The following TRIO variants were observed in gnomAD, a reference collection of about 807,000 sequenced individuals.
TRIO encodes triple functional domain protein.
A neutral mutation model predicts 351.9 loss-of-function variants in TRIO; 58 were observed. The observed-to-expected ratio is 0.16, with a 90% CI of 0.13 to 0.21. TRIO has a LOEUF of 0.21. TRIO is among the 10% of genes least tolerant of loss of function. The pLI is 1.00. For missense variants in TRIO, 3,201 were observed against 4,027.8 expected, an observed-to-expected ratio of 0.79 and a Z score of 5.56; for synonymous variants, 1,758 against 1,595.7, an observed-to-expected ratio of 1.10 and a Z score of -2.42.
chr5:14,233,792 G>A (rs1044985931), intron 1 of TRIO, among the ~76,000 whole-genome samples: 12 of 151,966 alleles, frequency 7.9e-5, no homozygotes, highest in Non-Finnish European at 1.6e-4. Flanking sequence ...TTTTGTTTGT[G>A]TGTTTTGTTT....
intron 30 of TRIO, among the ~76,000 whole-genome samples, chr5:14,400,138 A>C (rs1162565508): frequency 6.6e-6 from 1 of 152,204 alleles, no homozygotes; most frequent in African/African-American, 2.4e-5. Flanking sequence ...CTTTTGGATC[A>C]CAGCTTGCCT....
At chr5:14,166,213 G>A (rs1788754354) in intron 1 of TRIO, among the ~76,000 whole-genome samples, 1 of 152,194 alleles carries the variant, frequency 6.6e-6, no homozygotes, top group South Asian at 2.1e-4. Flanking sequence ...GCCGTGCCTG[G>A]GGGGCACCCC....
chr5:14,438,369 A>C (rs1444312045), intron 34 of TRIO, among the ~76,000 whole-genome samples: 4 of 152,234 alleles, frequency 2.6e-5, no homozygotes, highest in Admixed American at 2.0e-4. Context: ...CTCATTCAGC[A>C]GATCAAATGA....
chr5:14,304,356 T>G (rs1027498505), intron 7 of TRIO, 105 bp from the exon 8 acceptor site: 2 of 1,197,272 alleles, frequency 1.7e-6, no homozygotes, highest in African/African-American at 3.1e-5. Flanking sequence ...GTTAAATTCT[T>G]AGGATCTCCC....
At chr5:14,221,237 T>C (rs112461207) in intron 1 of TRIO, among the ~76,000 whole-genome samples, 271 of 152,232 alleles carry the variant, frequency 1.8e-3, no homozygotes, top group East Asian at 7.9e-3. Flanking sequence ...GATTTTTTTT[T>C]CCCAAAATAC....
At chr5:14,239,660 T>C (rs1271207859) in intron 1 of TRIO, among the ~76,000 whole-genome samples, 2 of 152,216 alleles carry the variant, frequency 1.3e-5, no homozygotes, top group East Asian at 3.8e-4. Flanking sequence ...AACTGAATTC[T>C]GATCAGCTTG....
intron 1 of TRIO, among the ~76,000 whole-genome samples, chr5:14,165,470 A>G (rs1256312910): frequency 1.3e-5 from 2 of 152,240 alleles, no homozygotes; most frequent in Non-Finnish European, 2.9e-5. Context: ...GTAGTATTCC[A>G]TGGTGTATAT....
At chr5:14,285,335 T>G (rs1300843314) in intron 3 of TRIO, among the ~76,000 whole-genome samples, 3 of 152,088 alleles carry the variant, frequency 2.0e-5, no homozygotes, top group African/African-American at 4.8e-5. Context: ...GACACTGTGC[T>G]CCTCTGACTG....
chr5:14,437,760 C>G (rs957204130), intron 34 of TRIO, among the ~76,000 whole-genome samples: 1 of 150,328 alleles, frequency 6.7e-6, no homozygotes, highest in African/African-American at 2.5e-5. Flanking sequence ...CAGTCGCATT[C>G]CAAGGTCCAG....
chr5:14,264,180 C>CT (rs989303432), intron 1 of TRIO, among the ~76,000 whole-genome samples: 7 of 151,664 alleles, frequency 4.6e-5, no homozygotes, highest in African/African-American at 1.2e-4. Flanking sequence ...TTTGTTTAAA[C>CT]TTTTTTTTGT....
intron 11 of TRIO, among the ~76,000 whole-genome samples, chr5:14,357,615 T>C (rs1158772681): frequency 1.3e-5 from 2 of 152,082 alleles, no homozygotes; most frequent in African/African-American, 2.4e-5. Context: ...GGCAGCCTGA[T>C]TGTGGGGCCT....
intron 55 of TRIO, among the ~76,000 whole-genome samples, chr5:14,505,566 G>A (rs1757615107): frequency 6.6e-6 from 1 of 152,128 alleles, no homozygotes; most frequent in South Asian, 2.1e-4. Context: ...GGGGCCCCTC[G>A]CCGGCAGGAA....
intron 1 of TRIO, among the ~76,000 whole-genome samples, chr5:14,232,606 T>A (rs533951979): frequency 5.3e-5 from 8 of 152,358 alleles, no homozygotes; most frequent in Non-Finnish European, 8.8e-5. Flanking sequence ...TGAATGGATG[T>A]TCATACTTTT....
chr5:14,278,377 C>T (rs1047836538), intron 2 of TRIO, among the ~76,000 whole-genome samples: 5 of 152,118 alleles, frequency 3.3e-5, no homozygotes, highest in African/African-American at 9.7e-5. Context: ...TTGTGAGCTA[C>T]GGTGACCCAG....
intron 3 of TRIO, among the ~76,000 whole-genome samples, chr5:14,284,963 G>T (rs1263427870): frequency 6.6e-6 from 1 of 152,128 alleles, no homozygotes; most frequent in African/African-American, 2.4e-5. Context: ...CAGGGCCCTG[G>T]AGTTTCTGTG....
At chr5:14,438,121 A>G (rs1375828341) in intron 34 of TRIO, among the ~76,000 whole-genome samples, 1 of 152,206 alleles carries the variant, frequency 6.6e-6, no homozygotes, top group African/African-American at 2.4e-5. Context: ...ACTCCGTTAA[A>G]TTTCTACATT....
chr5:14,447,244 A>C (rs1202940099), intron 34 of TRIO, among the ~76,000 whole-genome samples: 2 of 152,178 alleles, frequency 1.3e-5, no homozygotes, highest in Non-Finnish European at 2.9e-5. Context: ...ATAAATAAAT[A>C]AAGAGAAATA....
intron 41 of TRIO, among the ~76,000 whole-genome samples, chr5:14,478,111 T>C (rs1000814382): frequency 1.3e-5 from 2 of 152,166 alleles, no homozygotes; most frequent in Non-Finnish European, 2.9e-5. Flanking sequence ...AGTGGTTAGT[T>C]CCACTCACAA....
chr5:14,433,816 C>T lies in TRIO; in HGVS notation c.5203+13795C>T, dbSNP rs190197979. Among the ~76,000 whole-genome samples, 8 of 152,096 alleles carry T rather than the reference C, an allele frequency of 5.3e-5. No homozygotes were observed. In the East Asian group the frequency reaches 1.5e-3, roughly 29 times the overall value. On this transcript the variant is annotated intron_variant, in intron 34 of 56. Transcript: ENST00000344204. ...ATTCAGCTAATGTTGTTTTATATAT[C>T]CAGTATTTTGATTTTGATTTTAAGG...
Sources: allele counts gnomAD v4.1 joint callset (sites outside exome capture counted in the v4.1 genomes callset), GRCh38; gene constraint gnomAD v4.1.1; transcripts MANE v1.5; gene names NCBI Gene and HGNC (gene_info 2026-07-23, HGNC 2026-07-21).